The following SNX30 variants were observed in gnomAD, a reference collection of about 807,000 sequenced individuals.
SNX30 encodes the protein sorting nexin-30.
A neutral mutation model predicts 46.4 loss-of-function variants in SNX30; 24 were observed. The observed-to-expected ratio is 0.52, with a 90% confidence interval of 0.37 to 0.73. The LOEUF (loss-of-function observed/expected upper bound fraction) is 0.73. Among genes scored for constraint, SNX30 ranks in the 30% least tolerant of loss-of-function variants. The probability of loss-of-function intolerance (pLI) is 0.00; values close to 1 mark genes in which losing one functional copy is unlikely to be tolerated. For synonymous variants in SNX30, 189 were observed against 211.5 expected (o/e 0.89, Z 0.92); for missense variants, 533 against 555.7 (o/e 0.96, Z 0.41).
At chr9:112,778,890 T>C (rs1839795399) in intron 1 of SNX30, among the ~76,000 whole-genome samples, 1 of 36,630 alleles carries the variant, frequency 2.7e-5, no homozygotes, top group East Asian at 1.5e-3. Flanking sequence ...ATGAGAGAAC[T>C]TGGGGGGGGG....
intron 7 of SNX30, among the ~76,000 whole-genome samples, chr9:112,855,753 C>G (rs1287049767): frequency 6.6e-6 from 1 of 152,154 alleles, no homozygotes; most frequent in Non-Finnish European, 1.5e-5. Flanking sequence ...GATTCCCAGG[C>G]AGATGGAGCT....
intron 6 of SNX30, among the ~76,000 whole-genome samples, chr9:112,841,459 C>CA (rs1183000559): frequency 6.6e-6 from 1 of 152,162 alleles, no homozygotes; most frequent in African/African-American, 2.4e-5. Context: ...TCAGGTCAAT[C>CA]AGGCTGAGTG....
rs1243461866 is a variant in SNX30 at position 112,873,802 on chromosome 9, G to C, written c.*4959G>C. 6.6e-6 allele frequency: 1 copy of C among 152,148 alleles called. No homozygotes were observed. The allele number at this position is 152,148 out of a possible 1,614,324, so 9.4% of individuals were successfully genotyped here. On this transcript the variant is annotated 3_prime_UTR_variant, in exon 9 of 9. Transcript: ENST00000374232. ...CTGCAGAACAGCTTTTGAAGATACT[G>C]GGGGGTATCTTCAAGCCTCAGAGCA... is the stretch of plus-strand genomic sequence containing the variant.
intron 2 of SNX30, among the ~76,000 whole-genome samples, chr9:112,812,935 T>C (rs1401911019): frequency 6.6e-6 from 1 of 151,892 alleles, no homozygotes; most frequent in Non-Finnish European, 1.5e-5. Flanking sequence ...TCACTTGAGG[T>C]CAGGAATTTG....
intron 1 of SNX30, among the ~76,000 whole-genome samples, chr9:112,785,574 G>T (rs538260313): frequency 6.6e-6 from 1 of 152,130 alleles, no homozygotes; most frequent in African/African-American, 2.4e-5. Context: ...TGTAGAGATG[G>T]GGTTTTGCCA....
Position 112,870,562 on chromosome 9 carries a change from C to T in SNX30, c.*1719C>T, listed in dbSNP as rs1202171955. The T allele has an allele frequency of 6.6e-6, 1 of 152,262 alleles. No individual in the cohort carries two copies. The highest frequency in any genetic ancestry group is 2.4e-5 in the African/African-American group (1 of 41,460). 9.4% of individuals were successfully genotyped at this position (152,262 alleles called of 1,614,324 possible). A position where few individuals can be genotyped will look rare whatever the true frequency, so the allele number is the denominator to read the frequency against. Reference sequence around the variant, plus strand: ...TGTTAAACCCTATTTGTGCCATTCTCAAGTCCTTTGATGTGAATTTTCAGT... The same window carrying T: ...TGTTAAACCCTATTTGTGCCATTCTTAAGTCCTTTGATGTGAATTTTCAGT... On this transcript the variant is annotated 3_prime_UTR_variant, in exon 9 of 9. Transcript: ENST00000374232.
intron 3 of SNX30, among the ~76,000 whole-genome samples, chr9:112,829,249 A>T (rs149505795): frequency 5.9e-5 from 9 of 151,846 alleles, no homozygotes; most frequent in Non-Finnish European, 1.3e-4. Flanking sequence ...ACCTGCTTTC[A>T]ATTTTTTTTT....
intron 1 of SNX30, among the ~76,000 whole-genome samples, chr9:112,796,399 T>TA (rs1351234710): frequency 6.6e-6 from 1 of 152,190 alleles, no homozygotes; most frequent in African/African-American, 2.4e-5. Context: ...GTTGTCCCCC[T>TA]ACAAATCCCC....
chr9:112,788,216 G>C (rs770963739), intron 1 of SNX30, among the ~76,000 whole-genome samples: 12 of 152,018 alleles, frequency 7.9e-5, no homozygotes, highest in South Asian at 2.1e-4. Flanking sequence ...GAGAAGGTTT[G>C]GGCTGGGGTG....
intron 4 of SNX30, 130 bp from the exon 5 acceptor site, chr9:112,836,084 G>T: frequency 2.4e-6 from 2 of 848,142 alleles, no homozygotes; most frequent in Admixed American, 4.7e-5. Context: ...TGTGATTAGA[G>T]CCTCTAACTC....
At chr9:112,785,496 G>T (rs958205540) in intron 1 of SNX30, among the ~76,000 whole-genome samples, 1 of 151,528 alleles carries the variant, frequency 6.6e-6, no homozygotes, top group Admixed American at 6.6e-5. Context: ...CGATTCTCAT[G>T]CCTTAGCCTC....
intron 2 of SNX30, among the ~76,000 whole-genome samples, chr9:112,810,643 G>A (rs1321742623): frequency 6.6e-6 from 1 of 152,076 alleles, no homozygotes; most frequent in Non-Finnish European, 1.5e-5. Flanking sequence ...GAGAGGCTGT[G>A]GAATGGAAGG....
At chr9:112,755,567 G>C (rs1195671204) in intron 1 of SNX30, among the ~76,000 whole-genome samples, 1 of 151,882 alleles carries the variant, frequency 6.6e-6, no homozygotes, top group Non-Finnish European at 1.5e-5. Context: ...ATATTGAAAA[G>C]GATCACATAG....
At chr9:112,816,460 A>G (rs1840397539) in intron 2 of SNX30, among the ~76,000 whole-genome samples, 1 of 152,200 alleles carries the variant, frequency 6.6e-6, no homozygotes, top group African/African-American at 2.4e-5. Flanking sequence ...ATTTCCCCAC[A>G]TCTTCACCCT....
intron 1 of SNX30, among the ~76,000 whole-genome samples, chr9:112,773,335 C>G (rs570470105): frequency 2.8e-4 from 42 of 152,122 alleles, no homozygotes; most frequent in African/African-American, 8.9e-4. Context: ...CTTCTCATAA[C>G]TGATAGTCAT....
Position 112,869,001 on chromosome 9 carries a change from G to A in SNX30, c.*158G>A. The A allele has an allele frequency of 1.4e-6, 1 of 692,222 alleles. No individual in the cohort carries two copies. 42.9% of individuals were successfully genotyped at this position (692,222 alleles called of 1,614,324 possible). ...CTCCCCCACCTTTCACCCCACAGTG[G>A]TTTTCAATTAGTATTTATTCCATGG... On this transcript the variant is annotated 3_prime_UTR_variant, in exon 9 of 9. Transcript: ENST00000374232.
chr9:112,773,439 G>T (rs1839685632), intron 1 of SNX30, among the ~76,000 whole-genome samples: 1 of 151,870 alleles, frequency 6.6e-6, no homozygotes, highest in Non-Finnish European at 1.5e-5. Context: ...ATTCAAGCTG[G>T]AGTGCAGTGG....
chr9:112,819,384 A>G lies in SNX30; in HGVS notation c.459+1569A>G, dbSNP rs1049491754. ...GGAGTTCAAGCGATTCTTCTGCCTC[A>G]GCCTCCTGAGTAGCTGGGATTACAG... On this transcript the variant is annotated intron_variant, in intron 3 of 8. Transcript: ENST00000374232. Among the ~76,000 whole-genome samples, 25 of 148,766 alleles carry G rather than the reference A, an allele frequency of 1.7e-4. No homozygotes were observed. In the Admixed American group the frequency reaches 1.7e-3, roughly 10 times the overall value.
At chr9:112,851,301 A>G (rs1841021943) in intron 7 of SNX30, among the ~76,000 whole-genome samples, 1 of 152,258 alleles carries the variant, frequency 6.6e-6, no homozygotes, top group African/African-American at 2.4e-5. Flanking sequence ...TATACAATCC[A>G]TGATGAGGAA....
Sources: allele counts gnomAD v4.1 joint callset (sites outside exome capture counted in the v4.1 genomes callset), GRCh38; gene constraint gnomAD v4.1.1; transcripts MANE v1.5; gene names NCBI Gene and HGNC (gene_info 2026-07-23, HGNC 2026-07-21).